RBFOX1: variants seen among roughly 807,000 people sequenced by gnomAD.
RBFOX1 encodes the protein RNA binding protein fox-1 homolog 1.
A neutral mutation model predicts 57.7 loss-of-function variants in RBFOX1; 8 were observed. The observed-to-expected ratio is 0.14, with a 90% CI of 0.08 to 0.25. The LOEUF (loss-of-function observed/expected upper bound fraction) is 0.25. RBFOX1 is among the 10% of genes least tolerant of loss of function. The pLI, the probability that RBFOX1 is intolerant of heterozygous loss-of-function variation, is 1.00. For missense variants in RBFOX1, 611 were observed against 548.5 expected (o/e 1.11, Z -1.14); for synonymous variants, 326 against 222.4 (o/e 1.47, Z -4.15).
chr16:5,601,807 C>G (rs1458582823), downstream of RBFOX1: 1 of 152,186 alleles, frequency 6.6e-6, no homozygotes, highest in Admixed American at 6.5e-5. Context: ...GTTAATTGCC[C>G]ACAATAGGAT....
At chr16:7,356,120 A>T (rs550128406) in intron 4 of RBFOX1, among the ~76,000 whole-genome samples, 1 of 152,298 alleles carries the variant, frequency 6.6e-6, no homozygotes, top group South Asian at 2.1e-4. Flanking sequence ...ATCACTTATA[A>T]GGTCAGTATG....
intron 1 of RBFOX1, among the ~76,000 whole-genome samples, chr16:6,262,188 A>G (rs981353415): frequency 6.6e-6 from 1 of 152,122 alleles, no homozygotes; most frequent in Non-Finnish European, 1.5e-5. Context: ...CATCCAAGAC[A>G]GTGGCTTGAT....
intron 2 of RBFOX1, among the ~76,000 whole-genome samples, chr16:5,490,713 T>C (rs1336388490): frequency 6.6e-6 from 1 of 152,170 alleles, no homozygotes; most frequent in Non-Finnish European, 1.5e-5. Context: ...CGGATTCCCG[T>C]GGACCAGAGC....
intron 11 of RBFOX1, among the ~76,000 whole-genome samples, chr16:7,651,673 C>G (rs576511677): frequency 9.2e-5 from 14 of 152,194 alleles, no homozygotes; most frequent in Non-Finnish European, 1.8e-4. Flanking sequence ...ACAACTTTAA[C>G]ATGAAATGAA....
intron 4 of RBFOX1, among the ~76,000 whole-genome samples, chr16:7,484,158 A>C (rs1420408719): frequency 6.6e-6 from 1 of 152,212 alleles, no homozygotes; most frequent in East Asian, 1.9e-4. Flanking sequence ...ATTGTTGCAC[A>C]TATTAACATT....
At chr16:7,383,838 C>T (rs1277907509) in intron 4 of RBFOX1, among the ~76,000 whole-genome samples, 1 of 152,174 alleles carries the variant, frequency 6.6e-6, no homozygotes, top group African/African-American at 2.4e-5. Flanking sequence ...GGGCAGATCA[C>T]AAGGTCAGAA....
chr16:6,232,102 G>A (rs796806677), intron 1 of RBFOX1, among the ~76,000 whole-genome samples: 19 of 152,254 alleles, frequency 1.2e-4, no homozygotes, highest in African/African-American at 4.1e-4. Context: ...GAATAATCAT[G>A]CTGATCCATT....
At chr16:6,544,094 A>C (rs2096861549) in intron 2 of RBFOX1, among the ~76,000 whole-genome samples, 1 of 152,194 alleles carries the variant, frequency 6.6e-6, no homozygotes, top group African/African-American at 2.4e-5. Context: ...GAGCTGTTTG[A>C]GATGGGAGAG....
At chr16:6,007,882 C>G (rs549475949) in intron 4 of RBFOX1, among the ~76,000 whole-genome samples, 3 of 152,162 alleles carry the variant, frequency 2.0e-5, no homozygotes, top group Non-Finnish European at 2.9e-5. Flanking sequence ...TTTAGGGGAA[C>G]TCGTGGAGAA....
At chr16:7,051,357 A>T (rs2050008548) in intron 3 of RBFOX1, among the ~76,000 whole-genome samples, 2 of 152,230 alleles carry the variant, frequency 1.3e-5, no homozygotes, top group African/African-American at 4.8e-5. Context: ...ATAATAAATT[A>T]TATGGCCACT....
intron 4 of RBFOX1, among the ~76,000 whole-genome samples, chr16:7,516,565 C>T (rs1395849341): frequency 6.6e-6 from 1 of 152,312 alleles, no homozygotes; most frequent in African/African-American, 2.4e-5. Context: ...GATAGCAACT[C>T]AGCCTCAACA....
At chr16:6,807,393 G>C (rs964330951) in intron 3 of RBFOX1, among the ~76,000 whole-genome samples, 1 of 152,130 alleles carries the variant, frequency 6.6e-6, no homozygotes, top group Non-Finnish European at 1.5e-5. Flanking sequence ...TCTGCATTTA[G>C]GGTTGGTTGA....
At chr16:6,913,536 C>T (rs909795567) in intron 3 of RBFOX1, among the ~76,000 whole-genome samples, 2 of 152,160 alleles carry the variant, frequency 1.3e-5, no homozygotes, top group Non-Finnish European at 2.9e-5. Context: ...CAGCACTGAG[C>T]CCAGTGCCTG....
intron 1 of RBFOX1, among the ~76,000 whole-genome samples, chr16:5,319,667 G>A (rs1364885644): frequency 1.3e-5 from 2 of 152,224 alleles, no homozygotes; most frequent in Non-Finnish European, 2.9e-5. Context: ...TTCAAAGACA[G>A]ACTTATTTTA....
chr16:7,705,232 C>T (rs1165599865), intron 14 of RBFOX1, among the ~76,000 whole-genome samples: 1 of 149,938 alleles, frequency 6.7e-6, no homozygotes, highest in Non-Finnish European at 1.5e-5. Flanking sequence ...GTGGGCCGGG[C>T]ATGGTGGCTC....
At chr16:7,405,355 A>G (rs1347146942) in intron 4 of RBFOX1, among the ~76,000 whole-genome samples, 1 of 152,204 alleles carries the variant, frequency 6.6e-6, no homozygotes, top group Non-Finnish European at 1.5e-5. Context: ...AGATTAGCAG[A>G]TGCAGCAGTT....
At chr16:5,642,518 G>A (rs1293208414) in intron 3 of RBFOX1, among the ~76,000 whole-genome samples, 1 of 152,174 alleles carries the variant, frequency 6.6e-6, no homozygotes, top group African/African-American at 2.4e-5. Context: ...GCAATCTGAG[G>A]CTGGGATTGA....
intron 4 of RBFOX1, among the ~76,000 whole-genome samples, chr16:7,255,360 A>G (rs1010430044): frequency 3.9e-5 from 6 of 152,230 alleles, no homozygotes; most frequent in Admixed American, 2.6e-4. Flanking sequence ...GCAGAGTTGT[A>G]ATAATAGTGA....
intron 3 of RBFOX1, among the ~76,000 whole-genome samples, chr16:5,828,484 G>A (rs1395394514): frequency 1.3e-5 from 2 of 152,130 alleles, no homozygotes; most frequent in South Asian, 2.1e-4. Flanking sequence ...CGGATCGCGA[G>A]GTCAATAGAT....
Sources: allele counts gnomAD v4.1 joint callset (sites outside exome capture counted in the v4.1 genomes callset), GRCh38; gene constraint gnomAD v4.1.1; transcripts MANE v1.5; gene names NCBI Gene and HGNC (gene_info 2026-07-23, HGNC 2026-07-21).